The following SPIRE2 variants were observed in gnomAD, a reference collection of about 807,000 sequenced individuals.
The protein encoded by SPIRE2 is protein spire homolog 2.
SPIRE2 carries 76 observed loss-of-function variants against 80.7 expected under a neutral mutation model. That is an observed-to-expected ratio of 0.94 (90% CI 0.78 to 1.14). The LOEUF is 1.14. Ranked by LOEUF, SPIRE2 falls within the 50% of genes most tolerant of loss-of-function variation. The pLI, the probability that SPIRE2 is intolerant of heterozygous loss-of-function variation, is 0.00. For missense variants in SPIRE2, 1,196 were observed against 1,015.3 expected, an observed-to-expected ratio of 1.18 and a Z score of -2.42; for synonymous variants, 535 against 432.6, an observed-to-expected ratio of 1.24 and a Z score of -2.94.
chr16:89,839,643 C>A (rs570616354), intron 1 of SPIRE2, among the ~76,000 whole-genome samples: 123 of 152,212 alleles, frequency 8.1e-4, no homozygotes, highest in Non-Finnish European at 1.5e-3. Context: ...GATGGCTTCA[C>A]TCACAGTCAG....
At chr16:89,853,147 C>G (rs952132362) in intron 3 of SPIRE2, among the ~76,000 whole-genome samples, 1 of 152,190 alleles carries the variant, frequency 6.6e-6, no homozygotes, top group Non-Finnish European at 1.5e-5. Context: ...TTCTGCTGCT[C>G]AGATCAGTTT....
chr16:89,858,599 A>G, intron 8 of SPIRE2, 92 bp downstream of exon 8: 1 of 1,289,260 alleles, frequency 7.8e-7, no homozygotes, highest in Non-Finnish European at 1.0e-6. Context: ...CGGGGGCAGC[A>G]GCAATTGCGG....
intron 1 of SPIRE2, among the ~76,000 whole-genome samples, chr16:89,844,000 C>CTT (rs995181603): frequency 3.6e-5 from 5 of 137,286 alleles, no homozygotes; most frequent in African/African-American, 5.4e-5. Context: ...CGTGCCTGGC[C>CTT]TTTTTTTTTT....
At chr16:89,851,046 C>T (rs1367953998) in intron 3 of SPIRE2, among the ~76,000 whole-genome samples, 1 of 152,228 alleles carries the variant, frequency 6.6e-6, no homozygotes, top group East Asian at 1.9e-4. Context: ...GTCTCGAACT[C>T]CTGACCTCAG....
intron 12 of SPIRE2, among the ~76,000 whole-genome samples, chr16:89,864,674 G>C (rs2041773841): frequency 6.6e-6 from 1 of 152,176 alleles, no homozygotes; most frequent in Admixed American, 6.5e-5. Context: ...TGCACACAAA[G>C]GACTCGCCTC....
rs753507859 is a variant in SPIRE2 at position 89,859,208 on chromosome 16, G to A, written c.1316G>A (p.Arg439His). 9.4e-6 allele frequency: 15 copies of A among 1,600,818 alleles called. No homozygotes were observed. The highest frequency in any genetic ancestry group is 6.9e-5 in the East Asian group (3 of 43,636). Residue 439 changes from arginine to histidine, a missense_variant, in exon 9 of 15, where the codon CGC becomes CAC. Transcript: ENST00000378247. ...PCGEVTLKRD[R>H]SFSEHDLAQL... ...GGGGAGGTGACGCTGAAACGGGACC[G>A]CTCCTTCTCAGAGCATGACCTGGCC...
intron 13 of SPIRE2, among the ~76,000 whole-genome samples, chr16:89,868,572 A>G (rs973884414): frequency 1.3e-5 from 2 of 152,134 alleles, no homozygotes; most frequent in Non-Finnish European, 2.9e-5. Flanking sequence ...CTAACATTTA[A>G]AAGTATGTCA....
chr16:89,861,763 C>T (rs1439746300), intron 10 of SPIRE2, among the ~76,000 whole-genome samples: 1 of 152,152 alleles, frequency 6.6e-6, no homozygotes, highest in Non-Finnish European at 1.5e-5. Flanking sequence ...GTGGCGTCTT[C>T]ACCCAGCTGT....
intron 3 of SPIRE2, among the ~76,000 whole-genome samples, chr16:89,853,391 G>C (rs1225509074): frequency 6.6e-6 from 1 of 152,218 alleles, no homozygotes; most frequent in African/African-American, 2.4e-5. Flanking sequence ...GACCAAGTGA[G>C]AGAAGGGTCT....
At position 89,858,327 on chromosome 16, in the gene SPIRE2, C is replaced by G; in HGVS notation, c.1103-11C>G. On this transcript the variant is annotated splice_polypyrimidine_tract_variant and intron_variant, in intron 7 of 14. Coordinates refer to ENST00000378247, the MANE Select transcript of SPIRE2 (RefSeq NM_032451.2). Reference sequence around the variant, plus strand: ...CACTGGCCCGTCCTGCCTCGGCTCCCGTCTCCCCAGGGTTTGGCTCTCTGC... The same window carrying G: ...CACTGGCCCGTCCTGCCTCGGCTCCGGTCTCCCCAGGGTTTGGCTCTCTGC... The G allele has an allele frequency of 6.4e-7, 1 of 1,573,476 alleles. No homozygotes were observed. The highest frequency in any genetic ancestry group is 8.6e-7 in the Non-Finnish European group (1 of 1,158,958).
At chr16:89,847,157 C>T (rs1019773657) in intron 2 of SPIRE2, 9 of 152,210 alleles carry the variant, frequency 5.9e-5, no homozygotes, top group African/African-American at 1.9e-4. Context: ...TCACCACAAA[C>T]AGCACTTAAC....
intron 3 of SPIRE2, among the ~76,000 whole-genome samples, chr16:89,851,216 C>T (rs1277109755): frequency 5.3e-5 from 8 of 152,148 alleles, no homozygotes; most frequent in African/African-American, 1.7e-4. Context: ...TCTCCCAGCG[C>T]GCATTATTCT....
intron 5 of SPIRE2, 107 bp downstream of exon 5, chr16:89,854,758 C>G (rs540490142): frequency 7.8e-7 from 1 of 1,282,548 alleles, no homozygotes; most frequent in East Asian, 2.4e-5. Flanking sequence ...CAGAGAGCGG[C>G]CCAGGGTCCC....
intron 2 of SPIRE2, 157 bp from the exon 3 acceptor site, chr16:89,850,147 T>C (rs900927921): frequency 1.3e-6 from 1 of 741,008 alleles, no homozygotes; most frequent in African/African-American, 1.7e-5. Context: ...GGAACATCCT[T>C]TTCATCCGGT....
At chr16:89,848,324 G>A (rs561035631) in intron 2 of SPIRE2, among the ~76,000 whole-genome samples, 2 of 152,376 alleles carry the variant, frequency 1.3e-5, no homozygotes, top group Admixed American at 6.5e-5. Context: ...TCTAGGATGT[G>A]TCTTGCCCGC....
chr16:89,865,228 G>T (rs971965554), intron 12 of SPIRE2, among the ~76,000 whole-genome samples: 3 of 151,990 alleles, frequency 2.0e-5, no homozygotes, highest in Admixed American at 6.6e-5. Context: ...GGATGGTCTC[G>T]ATCCCCTGAC....
chr16:89,829,942 C>T (rs1203042352), intron 1 of SPIRE2, among the ~76,000 whole-genome samples: 1 of 151,302 alleles, frequency 6.6e-6, no homozygotes, highest in Non-Finnish European at 1.5e-5. Context: ...CAGGAGGCTG[C>T]ATGCTCACAG....
chr16:89,832,004 C>T (rs374782191), intron 1 of SPIRE2, among the ~76,000 whole-genome samples: 2 of 152,246 alleles, frequency 1.3e-5, no homozygotes, highest in African/African-American at 4.8e-5. Flanking sequence ...CTGCAGAGGG[C>T]GAAGCTCTTC....
intron 1 of SPIRE2, among the ~76,000 whole-genome samples, chr16:89,833,885 G>A (rs948927713): frequency 2.6e-5 from 4 of 152,148 alleles, no homozygotes; most frequent in African/African-American, 9.7e-5. Flanking sequence ...CTATCCCTGA[G>A]CCCTCCCATG....
Sources: gnomAD v4.1 joint callset for allele counts (sites outside exome capture counted in the v4.1 genomes callset) on GRCh38, gnomAD v4.1.1 for gene constraint, MANE v1.5 for transcripts, NCBI Gene and HGNC (gene_info 2026-07-23, HGNC 2026-07-21) for gene names.